The following LIPE variants were observed in gnomAD, a reference collection of about 807,000 sequenced individuals.
LIPE encodes the protein hormone-sensitive lipase.
Under a neutral mutation model 88.5 loss-of-function variants are expected in LIPE, and 66 were observed. The ratio of observed to expected loss-of-function variants is 0.75; its 90% CI spans 0.61 to 0.91. The LOEUF (loss-of-function observed/expected upper bound fraction) is 0.91, where lower values mean the gene tolerates loss of function less well. Ranked by LOEUF, LIPE falls within the 40% of genes least tolerant of loss-of-function variation. LIPE has a pLI of 0.00. For missense variants in LIPE, 1,346 were observed against 1,434.7 expected (o/e 0.94, Z 1.00); for synonymous variants, 570 against 617.5 (o/e 0.92, Z 1.14).
At chr19:42,402,394 T>C (rs2040009512) in intron 9 of LIPE, among the ~76,000 whole-genome samples, 1 of 152,080 alleles carries the variant, frequency 6.6e-6, no homozygotes, top group Admixed American at 6.5e-5. Context: ...TCCTGTCTCT[T>C]GGTACTCAAA....
Position 42,406,431 on chromosome 19 carries a change from A to G in LIPE, c.2138-43T>C, listed in dbSNP as rs764968727. On this transcript the variant is annotated intron_variant, in intron 6 of 9. Transcript: ENST00000244289. This position sits in a 1 kb window ranked among gnomAD's most constrained non-coding sequence, Gnocchi z 5.7. ...TGGTTGGTGACAACCTGGCAGGGGC[A>G]GAGGCCTGGGGAGGAGGGCAGGGAG... 3.8e-6 allele frequency: 6 copies of G among 1,565,922 alleles called. No homozygotes were observed. The South Asian group carries it at 5.6e-5, about 15-fold the overall frequency.
rs1367745104 is a variant in LIPE at position 42,401,840 on chromosome 19, A to C, written c.3203T>G (p.Val1068Gly). Residue 1068 changes from valine to glycine, a missense_variant, in exon 10 of 10, where the codon GTA becomes GGA. By Grantham distance (109) the Val-to-Gly change is moderately radical. Transcript: ENST00000244289. ...GTGTCGCCCCCCGCAGCCCCCGTCT[A>C]CCCCCGCAGCCCCCGTCTCCCCGCT... is the stretch of plus-strand genomic sequence containing the variant. ...GPSGETGAAG[V>G]DGGCGGRH 1.2e-5 allele frequency: 18 copies of C among 1,453,816 alleles called. No homozygotes were observed. Among genetic ancestry groups the C allele is most frequent in the African/African-American group, 1.1e-4 (7 of 65,470 alleles). The allele number at this position is 1,453,816 out of a possible 1,614,324, so 90.1% of individuals were successfully genotyped here. A position where few individuals can be genotyped will look rare whatever the true frequency, so the allele number is the denominator to read the frequency against.
chr19:42,410,154 G>A lies in LIPE; in HGVS notation c.1419+153C>T, dbSNP rs1219120528. ...AGTTTGAGACCCCTGGTGCAGCTCT[G>A]TCTGAGCTCCAGCCAACTTCTCCTT... On this transcript the variant is annotated intron_variant, in intron 2 of 9. Coordinates refer to ENST00000244289, the MANE Select transcript of LIPE (RefSeq NM_005357.4). This position sits in a 1 kb window ranked among gnomAD's most constrained non-coding sequence, Gnocchi z 6.1. Among the ~76,000 whole-genome samples, 3 of 152,216 alleles carry A rather than the reference G, an allele frequency of 2.0e-5. No individual in the cohort carries two copies. The highest frequency in any genetic ancestry group is 4.4e-5 in the Non-Finnish European group (3 of 68,038).
rs767653228 is a variant in LIPE at position 42,405,413 on chromosome 19, C to T, written c.2514G>A (p.Lys838=). The change falls in exon 8 of 10, where the codon AAG becomes AAA. Residue 838 remains lysine (K), a synonymous_variant. Transcript: ENST00000244289. ...LNSFLELSGR[K]SQKMSEPIAE... ...CTATGGGCTCCGACATCTTCTGGGACTTGCGCCCACTTAACTCCAGGAAGG... is the reference window on the plus strand; with the variant it reads ...CTATGGGCTCCGACATCTTCTGGGATTTGCGCCCACTTAACTCCAGGAAGG... 2.5e-6 allele frequency: 4 copies of T among 1,613,736 alleles called. No individual in the cohort carries two copies. In the South Asian group the frequency reaches 4.4e-5, roughly 18 times the overall value.
intron 1 of LIPE, chr19:42,425,148 CTG>C (rs1363527056): frequency 5.8e-6 from 1 of 171,676 alleles, no homozygotes; most frequent in Non-Finnish European, 1.3e-5. Context: ...ACCTGGTAAA[CTG>C]AGAGACTGTT....
At chr19:42,412,467 C>T (rs2040402940) in intron 1 of LIPE, 19 of 985,958 alleles carry the variant, frequency 1.9e-5, no homozygotes, top group Non-Finnish European at 2.2e-5. Flanking sequence ...GGCTGGCCTG[C>T]CCAGGGTGTA....
chr19:42,426,224 G>T, intron 1 of LIPE, 43 bp downstream of exon 1: 1 of 1,506,750 alleles, frequency 6.6e-7, no homozygotes, highest in South Asian at 1.2e-5. Context: ...GTAAATGAAT[G>T]ACTGTCCCTG....
chr19:42,409,579 G>A (rs35683560), intron 2 of LIPE, among the ~76,000 whole-genome samples: 10 of 152,176 alleles, frequency 6.6e-5, no homozygotes, highest in Admixed American at 2.6e-4. Context: ...CTGCCCTCCC[G>A]GGGACGGACA....
chr19:42,405,417 C>T lies in LIPE; in HGVS notation c.2510G>A (p.Arg837His), dbSNP rs760677748. ...GGGCTCCGACATCTTCTGGGACTTG[C>T]GCCCACTTAACTCCAGGAAGGAGTT... ...WLNSFLELSG[R>H]KSQKMSEPIA... Residue 837 changes from arginine (R) to histidine (H), a missense_variant, in exon 8 of 10, where the codon CGC becomes CAC. Arg to His is a conservative substitution (Grantham distance 29). Coordinates refer to ENST00000244289, the MANE Select transcript of LIPE (RefSeq NM_005357.4). The T allele has an allele frequency of 1.4e-5, 22 of 1,613,588 alleles. No homozygotes were observed. Among genetic ancestry groups the T allele is most frequent in the South Asian group, 1.1e-4 (10 of 91,048 alleles).
At chr19:42,423,739 C>T in intron 1 of LIPE, 13 of 1,128,290 alleles carry the variant, frequency 1.2e-5, no homozygotes, top group Non-Finnish European at 1.4e-5. Context: ...AGATCTGGCT[C>T]CGCCCCCTAC....
intron 8 of LIPE, among the ~76,000 whole-genome samples, chr19:42,403,553 T>G (rs999721017): frequency 2.6e-5 from 4 of 151,638 alleles, no homozygotes; most frequent in African/African-American, 9.7e-5. Context: ...GTTCAAGTGA[T>G]TCTCGTGCCT....
At position 42,404,176 on chromosome 19, in the gene LIPE, C is replaced by T. The variant is rs1462555600; in HGVS notation, c.2543-1145G>A. 6.0e-5 allele frequency among the ~76,000 whole-genome samples: 9 copies of T among 151,216 alleles called. No individual in the cohort carries two copies. The East Asian group carries it at 1.2e-3, about 20-fold the overall frequency. Reference sequence around the variant, plus strand: ...GCCTCCCGGGTTCAAGCAATTCTCCCGCCACAGCCTCCTGAGTAGCTGGGA... The same window carrying T: ...GCCTCCCGGGTTCAAGCAATTCTCCTGCCACAGCCTCCTGAGTAGCTGGGA... On this transcript the variant is annotated intron_variant, in intron 8 of 9. Coordinates refer to ENST00000244289, the MANE Select transcript of LIPE (RefSeq NM_005357.4).
Position 42,427,155 on chromosome 19 carries a change from T to C in LIPE, c.-6A>G, listed in dbSNP as rs1044655060. 1.3e-6 allele frequency: 2 copies of C among 1,585,544 alleles called. No individual in the cohort carries two copies. The highest frequency in any genetic ancestry group is 1.4e-5 in the African/African-American group (1 of 73,076). On this transcript the variant is annotated 5_prime_UTR_variant, in exon 1 of 10. Transcript: ENST00000244289. ...GACTTAGAACCTGGCTCCATTGTTA[T>C]TTCCCTCACGGGAGATATTGATCTT...
At chr19:42,424,704 A>C in intron 1 of LIPE, 1 of 449,496 alleles carries the variant, frequency 2.2e-6, no homozygotes, top group Non-Finnish European at 4.5e-6. Context: ...CCTCAGCTTC[A>C]GGATTAGGGC....
intron 1 of LIPE, chr19:42,423,362 T>TA: frequency 8.0e-7 from 1 of 1,248,722 alleles, no homozygotes. Context: ...CTGTCCCCAC[T>TA]GCCCCGTAGG....
chr19:42,402,160 CA>C, intron 9 of LIPE, 85 bp from the exon 10 acceptor site: 2 of 1,305,424 alleles, frequency 1.5e-6, no homozygotes, highest in Middle Eastern at 2.7e-4. Flanking sequence ...GTTTGATGAA[CA>C]AAGGGAGCGG....
chr19:42,413,394 G>C, intron 1 of LIPE, among the ~76,000 whole-genome samples: 3 of 152,312 alleles, frequency 2.0e-5, no homozygotes, highest in Middle Eastern at 6.8e-3. Flanking sequence ...GGCCAGGCGT[G>C]GTGGCTCACG....
chr19:42,409,042 G>A (rs1341094485), intron 2 of LIPE, among the ~76,000 whole-genome samples: 1 of 152,066 alleles, frequency 6.6e-6, no homozygotes, highest in Non-Finnish European at 1.5e-5. Flanking sequence ...GAGTAGGATG[G>A]TGCAGGGACT....
In LIPE at chr19:42,426,338, A is replaced by G. The variant is rs762870376; in HGVS notation, c.812T>C (p.Met271Thr). The stretch of plus-strand genomic sequence containing the variant: ...TGGCGACGTCCCACTGTATCCTGAC[A>G]TCACTTTATAACCAGATTTTCCTTT... Reference protein sequence around the residue: ...GFKGKSGYKVMSGYSGTSPHE... With the variant: ...GFKGKSGYKVTSGYSGTSPHE... The change falls in exon 1 of 10, where the codon ATG becomes ACG. Residue 271 changes from methionine (M) to threonine (T), a missense_variant. Transcript: ENST00000244289. 1 of 1,613,272 alleles carries G rather than the reference A, an allele frequency of 6.2e-7. No individual in the cohort carries two copies. Among genetic ancestry groups the G allele is most frequent in the Non-Finnish European group, 8.5e-7 (1 of 1,179,416 alleles).
Sources: gnomAD v4.1 joint callset for allele counts (sites outside exome capture counted in the v4.1 genomes callset) on GRCh38, gnomAD v4.1.1 for gene constraint, Gnocchi (gnomAD v3.1) non-coding constraint, MANE v1.5 for transcripts, NCBI Gene and HGNC (gene_info 2026-07-23, HGNC 2026-07-21) for gene names.